OR51B5: variants seen among roughly 807,000 people sequenced by gnomAD.
OR51B5 encodes the protein olfactory receptor 51B5.
For missense variants in OR51B5, 456 were observed against 374.6 expected (o/e 1.22, Z -1.79); for synonymous variants, 186 against 144.8 (o/e 1.28, Z -2.04).
intron 1 of OR51B5, among the ~76,000 whole-genome samples, chr11:5,426,530 C>G (rs1002146706): frequency 6.6e-6 from 1 of 152,024 alleles, no homozygotes; most frequent in South Asian, 2.1e-4. Context: ...TAGGTGAAAT[C>G]TGTTAGACTA....
chr11:5,414,560 T>A (rs563908066), intron 1 of OR51B5, among the ~76,000 whole-genome samples: 1 of 151,694 alleles, frequency 6.6e-6, no homozygotes, highest in South Asian at 2.1e-4. Context: ...GAGACACACA[T>A]AGGCTCAAAA....
At chr11:5,394,545 C>G (rs190469872) in intron 1 of OR51B5, among the ~76,000 whole-genome samples, 4 of 152,318 alleles carry the variant, frequency 2.6e-5, no homozygotes, top group African/African-American at 9.6e-5. Context: ...CCACAAGCCT[C>G]TCTAAGCCTT....
chr11:5,456,610 T>A (rs1055359560), intron 1 of OR51B5: 20 of 152,202 alleles, frequency 1.3e-4, no homozygotes, highest in African/African-American at 4.8e-4. Context: ...TGGTTACTTT[T>A]TCTTTGCTCA....
chr11:5,409,860 C>G (rs999886973), intron 1 of OR51B5, among the ~76,000 whole-genome samples: 8 of 151,988 alleles, frequency 5.3e-5, no homozygotes, highest in Admixed American at 1.3e-4. Context: ...TTTAAATTAA[C>G]AGAAACCAGT....
intron 1 of OR51B5, among the ~76,000 whole-genome samples, chr11:5,496,908 C>T (rs1851657822): frequency 6.6e-6 from 1 of 152,194 alleles, no homozygotes; most frequent in Non-Finnish European, 1.5e-5. Flanking sequence ...TAGTCCTAGA[C>T]AGCACTTCAT....
intron 1 of OR51B5, among the ~76,000 whole-genome samples, chr11:5,419,383 G>A (rs534975477): frequency 6.6e-6 from 1 of 152,290 alleles, no homozygotes; most frequent in South Asian, 2.1e-4. Flanking sequence ...ACTACAGTTG[G>A]TCCTCCGTAT....
At chr11:5,477,109 T>C (rs977982984) in intron 1 of OR51B5, among the ~76,000 whole-genome samples, 1 of 152,184 alleles carries the variant, frequency 6.6e-6, no homozygotes, top group Non-Finnish European at 1.5e-5. Flanking sequence ...TTAGAGGTGA[T>C]GTATATGTTT....
intron 1 of OR51B5, among the ~76,000 whole-genome samples, chr11:5,429,045 AC>A (rs767107373): frequency 2.0e-5 from 3 of 152,008 alleles, no homozygotes; most frequent in Non-Finnish European, 4.4e-5. Flanking sequence ...TTTCAGACTG[AC>A]CCCATCCAGA....
At chr11:5,396,754 T>C (rs1342949206) in intron 1 of OR51B5, among the ~76,000 whole-genome samples, 3 of 152,090 alleles carry the variant, frequency 2.0e-5, no homozygotes, top group Middle Eastern at 3.4e-3. Context: ...AAGTCAATCC[T>C]AAGCCAAAAG....
intron 1 of OR51B5, among the ~76,000 whole-genome samples, chr11:5,415,962 A>G (rs1247136133): frequency 6.9e-6 from 1 of 145,930 alleles, no homozygotes; most frequent in African/African-American, 2.5e-5. Flanking sequence ...AGCCGGGCAG[A>G]GACACAACCA....
chr11:5,385,823 A>T (rs1001516982), intron 1 of OR51B5, among the ~76,000 whole-genome samples: 1 of 148,918 alleles, frequency 6.7e-6, no homozygotes, highest in South Asian at 2.1e-4. Flanking sequence ...AAAGTATATA[A>T]AGAATATATA....
At position 5,343,354 on chromosome 11, in the gene OR51B5, C is replaced by A. The variant is rs1040075539; in HGVS notation, c.171G>T (p.Met57Ile). 1.9e-6 allele frequency: 3 copies of A among 1,613,066 alleles called. No individual in the cohort carries two copies. The African/African-American group carries it at 4.0e-5, about 22-fold the overall frequency. ...CAGCCAGCATGGCCAGAAAGAAGTA[C>A]ATGGGCTCATGAAGATTGTGATCTT... The change falls in exon 1 of 1, where the codon ATG becomes ATT. Residue 57 changes from methionine to isoleucine, a missense_variant. Coordinates refer to ENST00000300773, the Ensembl canonical transcript of OR51B5.
At chr11:5,397,972 G>A (rs1440722100) in intron 1 of OR51B5, among the ~76,000 whole-genome samples, 1 of 152,022 alleles carries the variant, frequency 6.6e-6, no homozygotes, top group Non-Finnish European at 1.5e-5. Context: ...AACACCACAT[G>A]TTCTCACTCA....
chr11:5,480,573 G>T (rs1446924043), intron 1 of OR51B5, among the ~76,000 whole-genome samples: 2 of 151,762 alleles, frequency 1.3e-5, no homozygotes, highest in African/African-American at 4.8e-5. Flanking sequence ...CCAGGAGCTG[G>T]TTTTTTGAAA....
chr11:5,454,147 T>C (rs368772374), intron 1 of OR51B5: 9 of 1,614,080 alleles, frequency 5.6e-6, no homozygotes, highest in South Asian at 1.1e-5. Context: ...TCCTATGTGC[T>C]CATTCTGCGT....
intron 1 of OR51B5, among the ~76,000 whole-genome samples, chr11:5,446,789 G>C (rs141823457): frequency 6.6e-6 from 1 of 152,318 alleles, no homozygotes; most frequent in East Asian, 1.9e-4. Context: ...GAAACATGCA[G>C]AGCCAACTAT....
At chr11:5,422,728 C>T (rs916022249) in intron 1 of OR51B5, 30 of 1,613,956 alleles carry the variant, frequency 1.9e-5, no homozygotes, top group Non-Finnish European at 2.4e-5. Context: ...CCCACCTTCT[C>T]TCTCGCTCCT....
chr11:5,476,482 C>CA (rs1222285874), intron 1 of OR51B5, among the ~76,000 whole-genome samples: 1 of 152,174 alleles, frequency 6.6e-6, no homozygotes, highest in African/African-American at 2.4e-5. Context: ...AGGGGTCTGA[C>CA]ATGTTTAGGT....
chr11:5,358,161 T>C (rs760725986), intron 1 of OR51B5, among the ~76,000 whole-genome samples: 2 of 151,326 alleles, frequency 1.3e-5, no homozygotes, highest in Non-Finnish European at 2.9e-5. Flanking sequence ...CTGAAGGAAA[T>C]AGAGACACAA....
Sources: allele counts gnomAD v4.1 joint callset (sites outside exome capture counted in the v4.1 genomes callset), GRCh38; gene constraint gnomAD v4.1.1; transcripts MANE v1.5; gene names NCBI Gene and HGNC (gene_info 2026-07-23, HGNC 2026-07-21).